Variants in SORBS2 observed in about 807,000 individuals in gnomAD.
SORBS2 encodes the protein sorbin and SH3 domain containing 2.
A neutral mutation model predicts 97.7 loss-of-function variants in SORBS2; 46 were observed. The ratio of observed to expected loss-of-function variants is 0.47; its 90% CI spans 0.37 to 0.60. The LOEUF (loss-of-function observed/expected upper bound fraction) is 0.60, where lower values mean the gene tolerates loss of function less well. SORBS2 is among the 20% of genes least tolerant of loss of function. SORBS2 has a pLI of 0.00. For synonymous variants in SORBS2, 476 were observed against 473.4 expected (o/e 1.01, Z -0.07); for missense variants, 1,316 against 1,282.3 (o/e 1.03, Z -0.40).
rs1198187730 is a variant in SORBS2, at chr4:185,807,047, T to C, written c.-337-31681A>G. Among the ~76,000 whole-genome samples the C allele has an allele frequency of 2.6e-5, 4 of 152,134 alleles. No homozygotes were observed. In the East Asian group the frequency reaches 5.8e-4, roughly 22 times the overall value. On this transcript the variant is annotated intron_variant, in intron 1 of 20. Transcript: ENST00000284776. ...TTACTTTAACCACTGGGAAAACATC[T>C]CAGAGGGAAGAGAGAAAAACTGAAT...
intron 1 of SORBS2, among the ~76,000 whole-genome samples, chr4:185,834,042 T>C (rs994766783): frequency 2.0e-5 from 3 of 152,202 alleles, no homozygotes; most frequent in Non-Finnish European, 2.9e-5. Context: ...ATCCAGATGA[T>C]AAAATAATGT....
chr4:185,657,887 T>C (rs11934819), upstream of SORBS2, among the ~76,000 whole-genome samples: 52,566 of 151,924 alleles, frequency 0.35, 9,952 homozygotes, highest in Non-Finnish European at 0.44. Context: ...AAATGCATTA[T>C]CTCTTCTTAT....
At chr4:185,611,682 A>C (rs540197520) in intron 12 of SORBS2, 98 bp downstream of exon 24, 3 of 912,266 alleles carry the variant, frequency 3.3e-6, no homozygotes, top group Non-Finnish European at 5.2e-6. Context: ...TTTCTCTGCA[A>C]TAGATATGAT....
chr4:185,851,866 T>C (rs951948330), intron 1 of SORBS2, among the ~76,000 whole-genome samples: 1 of 152,154 alleles, frequency 6.6e-6, no homozygotes, highest in Admixed American at 6.6e-5. Context: ...CCCCTCAAGC[T>C]TACAGACAGC....
intron 1 of SORBS2, among the ~76,000 whole-genome samples, chr4:185,804,708 A>G (rs1381191867): frequency 6.7e-6 from 1 of 149,822 alleles, no homozygotes; most frequent in African/African-American, 2.5e-5. Flanking sequence ...TATATAAATT[A>G]TTATTATTAT....
intron 2 of SORBS2, among the ~76,000 whole-genome samples, chr4:185,739,279 A>C (rs943299812): frequency 6.6e-6 from 1 of 152,246 alleles, no homozygotes; most frequent in South Asian, 2.1e-4. Context: ...AGGGCAAAAC[A>C]AAACACAGGC....
At chr4:185,716,719 G>A (rs78577521) in intron 2 of SORBS2, among the ~76,000 whole-genome samples, 1,572 of 152,226 alleles carry the variant, frequency 0.01, 33 homozygotes, top group African/African-American at 0.037. Context: ...TTCCGCTGGT[G>A]CTTTAGGCTC....
intron 2 of SORBS2, among the ~76,000 whole-genome samples, chr4:185,700,995 T>C (rs530979854): frequency 7.9e-5 from 12 of 152,336 alleles, no homozygotes; most frequent in African/African-American, 2.9e-4. Context: ...TGAAGCTTAT[T>C]TGAACAAAGT....
chr4:185,633,321 A>G (rs2153436063), intron 4 of SORBS2, among the ~76,000 whole-genome samples: 1 of 152,300 alleles, frequency 6.6e-6, no homozygotes, highest in Non-Finnish European at 1.5e-5. Context: ...CAGAACCTTA[A>G]GAGAATATAT....
intron 13 of SORBS2, 59 bp downstream of exon 25, chr4:185,593,827 G>T (rs2153365143): frequency 9.2e-7 from 1 of 1,088,114 alleles, no homozygotes; most frequent in Non-Finnish European, 1.4e-6. Context: ...TTTTGGTACA[G>T]TTGTCCATTT....
At chr4:185,763,652 T>TCC (rs2153613012) in intron 2 of SORBS2, among the ~76,000 whole-genome samples, 1 of 152,232 alleles carries the variant, frequency 6.6e-6, no homozygotes, top group East Asian at 1.9e-4. Context: ...CCCTAACAAA[T>TCC]CCTAACAGAG....
intron 2 of SORBS2, among the ~76,000 whole-genome samples, chr4:185,715,480 C>T (rs1158069029): frequency 1.3e-5 from 2 of 151,570 alleles, no homozygotes; most frequent in Non-Finnish European, 2.9e-5. Context: ...AATAATTTAA[C>T]CTAGAATAAT....
rs1020464156 is a variant in SORBS2 at position 185,857,331 on chromosome 4, T to C, written c.-337-81965A>G. Among the ~76,000 whole-genome samples, 6 of 152,226 alleles carry C rather than the reference T, an allele frequency of 3.9e-5. No individual in the cohort carries two copies. The East Asian group carries it at 7.7e-4, about 20-fold the overall frequency. On this transcript the variant is annotated intron_variant, in intron 1 of 20. Coordinates refer to the SORBS2 transcript ENST00000284776. Reference sequence around the variant, plus strand: ...ACTTCCCCAATCAATACTCTTATAATTTCTTATGCCTGTCTTTACTTTAAT... The same window carrying C: ...ACTTCCCCAATCAATACTCTTATAACTTCTTATGCCTGTCTTTACTTTAAT...
At chr4:185,906,116 C>A (rs1203318709) in intron 1 of SORBS2, among the ~76,000 whole-genome samples, 2 of 152,232 alleles carry the variant, frequency 1.3e-5, no homozygotes, top group African/African-American at 4.8e-5. Flanking sequence ...TCACTGCAAC[C>A]TCCGCCTCCT....
chr4:185,820,293 C>G (rs549382150), intron 1 of SORBS2, among the ~76,000 whole-genome samples: 1 of 152,240 alleles, frequency 6.6e-6, no homozygotes, highest in African/African-American at 2.4e-5. Flanking sequence ...CTGGACAGCG[C>G]GGCGCTGTGT....
chr4:185,941,365 A>T (rs888626392), intron 1 of SORBS2, among the ~76,000 whole-genome samples: 1 of 143,678 alleles, frequency 7.0e-6, no homozygotes, highest in Non-Finnish European at 1.6e-5. Context: ...TTAGAGGGCC[A>T]TGAGGTTACA....
intron 2 of SORBS2, among the ~76,000 whole-genome samples, chr4:185,715,005 G>A (rs1199067220): frequency 6.6e-6 from 1 of 152,140 alleles, no homozygotes; most frequent in Non-Finnish European, 1.5e-5. Context: ...ATAAGTTAAA[G>A]GCTTGTAAAT....
intron 1 of SORBS2, among the ~76,000 whole-genome samples, chr4:185,776,430 ATTAC>A (rs2098999905): frequency 6.6e-6 from 1 of 152,098 alleles, no homozygotes; most frequent in South Asian, 2.1e-4. Context: ...AGGGAGGAAA[ATTAC>A]TTACTTTCTA....
chr4:185,765,033 T>TTCA (rs1319969717), intron 2 of SORBS2, among the ~76,000 whole-genome samples: 20 of 152,164 alleles, frequency 1.3e-4, no homozygotes, highest in African/African-American at 4.3e-4. Flanking sequence ...TGTGTTGGGT[T>TTCA]TCATCAGTTT....
Sources: allele counts gnomAD v4.1 joint callset (sites outside exome capture counted in the v4.1 genomes callset), GRCh38; gene constraint gnomAD v4.1.1; transcripts MANE v1.5; gene names NCBI Gene and HGNC (gene_info 2026-07-23, HGNC 2026-07-21).